Variants in SLC17A8 observed in about 807,000 individuals in gnomAD.
The protein encoded by SLC17A8 is vesicular glutamate transporter 3.
In SLC17A8, 31 loss-of-function variants were observed where a neutral mutation model predicts 58.0. The ratio of observed to expected loss-of-function variants is 0.53; its 90% CI spans 0.40 to 0.72. The LOEUF (loss-of-function observed/expected upper bound fraction) is 0.72. SLC17A8 is among the 30% of genes least tolerant of loss of function. The probability of loss-of-function intolerance (pLI) is 0.00; values close to 1 mark genes in which losing one functional copy is unlikely to be tolerated. For missense variants in SLC17A8, 655 were observed against 727.8 expected, an observed-to-expected ratio of 0.90 and a Z score of 1.15; for synonymous variants, 228 against 249.0, an observed-to-expected ratio of 0.92 and a Z score of 0.79.
chr12:100,368,600 G>A (rs1952537299), intron 1 of SLC17A8, among the ~76,000 whole-genome samples: 1 of 152,096 alleles, frequency 6.6e-6, no homozygotes, highest in African/African-American at 2.4e-5. Context: ...AGTACATTCA[G>A]GATCCATTCC....
rs546916434 is a variant in SLC17A8, at chr12:100,393,798, A to C, written c.588+315A>C. On this transcript the variant is annotated intron_variant, in intron 4 of 11. Coordinates refer to ENST00000323346, the MANE Select transcript of SLC17A8 (RefSeq NM_139319.3). ...AGTTCACATAGCAGAGGCTCATTCC[A>C]CTAAAACAATTTAAGTGGATTCATT... 5.3e-5 allele frequency among the ~76,000 whole-genome samples: 8 copies of C among 152,326 alleles called. No homozygotes were observed. The South Asian group carries it at 1.2e-3, about 24-fold the overall frequency.
rs1355857507 is a variant in SLC17A8, at chr12:100,420,169, G to A, written c.*10G>A. 4 of 1,599,082 alleles carry A rather than the reference G, an allele frequency of 2.5e-6. No homozygotes were observed. The highest frequency in any genetic ancestry group is 3.4e-6 in the Non-Finnish European group (4 of 1,169,382). On this transcript the variant is annotated 3_prime_UTR_variant, in exon 12 of 12. Transcript: ENST00000323346. The stretch of plus-strand genomic sequence containing the variant: ...CTCAACTATATCCTAATGTCTGAGA[G>A]GCACTTCTGTCTTCTCCTTACTTTA...
intron 1 of SLC17A8, among the ~76,000 whole-genome samples, chr12:100,370,612 T>TAAAAAAAA (rs61103377): frequency 3.1e-5 from 4 of 127,200 alleles, no homozygotes; most frequent in African/African-American, 8.3e-5. Context: ...ATCTAAATTC[T>TAAAAAAAA]AAAAAAAAAA....
chr12:100,363,206 C>T (rs148047202), intron 1 of SLC17A8, among the ~76,000 whole-genome samples: 89 of 152,232 alleles, frequency 5.8e-4, no homozygotes, highest in African/African-American at 2.0e-3. Flanking sequence ...CCTTGTGAAT[C>T]GGGATTTCTA....
chr12:100,398,913 C>T (rs146957826), intron 5 of SLC17A8, among the ~76,000 whole-genome samples: 1,809 of 152,236 alleles, frequency 0.012, 15 homozygotes, highest in Middle Eastern at 0.068. Context: ...TGCTTGCCGC[C>T]ATCCACGTAA....
At chr12:100,373,284 G>A (rs1371515781) in intron 1 of SLC17A8, among the ~76,000 whole-genome samples, 2 of 152,172 alleles carry the variant, frequency 1.3e-5, no homozygotes, top group African/African-American at 4.8e-5. Flanking sequence ...GATAATTAAA[G>A]TCCTCCAACT....
chr12:100,399,012 T>C (rs1054099108), intron 5 of SLC17A8, among the ~76,000 whole-genome samples: 4 of 152,194 alleles, frequency 2.6e-5, no homozygotes, highest in African/African-American at 9.7e-5. Context: ...CCTCTTTCTT[T>C]TGTAAATTGC....
intron 1 of SLC17A8, among the ~76,000 whole-genome samples, chr12:100,365,635 A>C (rs1380185536): frequency 6.6e-6 from 1 of 152,210 alleles, no homozygotes; most frequent in African/African-American, 2.4e-5. Flanking sequence ...AAAGCACAAT[A>C]ACTTTTCCTT....
intron 1 of SLC17A8, among the ~76,000 whole-genome samples, chr12:100,364,908 G>A (rs979987648): frequency 6.6e-6 from 1 of 152,206 alleles, no homozygotes; most frequent in South Asian, 2.1e-4. Context: ...CTGAAGTATA[G>A]CAGCAGTCCA....
chr12:100,389,772 A>G (rs980607190), intron 2 of SLC17A8, among the ~76,000 whole-genome samples: 2 of 150,746 alleles, frequency 1.3e-5, no homozygotes, highest in South Asian at 2.1e-4. Flanking sequence ...AGCTAGGACT[A>G]CAGGCACACA....
chr12:100,402,711 A>T lies in SLC17A8; in HGVS notation c.1019A>T (p.Tyr340Phe), dbSNP rs1399453148. Residue 340 changes from tyrosine (Y) to phenylalanine (F), a missense_variant, in exon 8 of 12, where the codon TAT becomes TTT. Transcript: ENST00000323346. The part of the protein sequence containing the change: ...FYLLLISQPA[Y>F]FEEVFGFAIS... ...TTGCTCCTCATAAGTCAGCCTGCTTATTTTGAAGAGGTCTTTGGATTTGCA... is the reference window on the plus strand; with the variant it reads ...TTGCTCCTCATAAGTCAGCCTGCTTTTTTTGAAGAGGTCTTTGGATTTGCA... 1 of 1,614,016 alleles carries T rather than the reference A, an allele frequency of 6.2e-7. No homozygotes were observed. The highest frequency in any genetic ancestry group is 8.5e-7 in the Non-Finnish European group (1 of 1,179,998).
At chr12:100,389,201 G>A (rs968256720) in intron 2 of SLC17A8, among the ~76,000 whole-genome samples, 1 of 152,202 alleles carries the variant, frequency 6.6e-6, no homozygotes, top group African/African-American at 2.4e-5. Context: ...GTGGAAGGTT[G>A]TGTTGTTGCT....
At chr12:100,402,121 C>T (rs1203651272) in intron 6 of SLC17A8, among the ~76,000 whole-genome samples, 1 of 152,118 alleles carries the variant, frequency 6.6e-6, no homozygotes, top group African/African-American at 2.4e-5. Context: ...GCTGAACATA[C>T]TGCCATTTGG....
intron 2 of SLC17A8, among the ~76,000 whole-genome samples, chr12:100,383,856 C>G (rs1374397173): frequency 6.6e-6 from 1 of 151,742 alleles, no homozygotes; most frequent in Non-Finnish European, 1.5e-5. Context: ...GCTCATGCCA[C>G]CATTCTTAGC....
At chr12:100,368,055 C>A (rs1952532552) in intron 1 of SLC17A8, among the ~76,000 whole-genome samples, 1 of 152,230 alleles carries the variant, frequency 6.6e-6, no homozygotes, top group Non-Finnish European at 1.5e-5. Context: ...GGATGTTAGA[C>A]CCTGTGTCAT....
At chr12:100,404,532 A>ACACACACACACACC (rs1346080784) in intron 9 of SLC17A8, among the ~76,000 whole-genome samples, 12 of 151,046 alleles carry the variant, frequency 7.9e-5, no homozygotes, top group Non-Finnish European at 1.8e-4. Context: ...ACACACACAC[A>ACACACACACACACC]CCATTCTCTT....
chr12:100,395,715 C>T lies in SLC17A8; in HGVS notation c.589-615C>T, dbSNP rs375005560. Among the ~76,000 whole-genome samples the T allele has an allele frequency of 6.6e-5, 10 of 152,106 alleles. No homozygotes were observed. The East Asian group carries it at 1.2e-3, about 18-fold the overall frequency. On this transcript the variant is annotated intron_variant, in intron 4 of 11. Transcript: ENST00000323346. ...GCAATCTCTGCCTCCTGGGTTCAGG[C>T]GATTCTTGTGCCTCAGCCTCCCAAG... is the stretch of plus-strand genomic sequence containing the variant.
At chr12:100,367,237 T>C (rs879723730) in intron 1 of SLC17A8, among the ~76,000 whole-genome samples, 2 of 152,222 alleles carry the variant, frequency 1.3e-5, no homozygotes, top group Non-Finnish European at 2.9e-5. Context: ...AAGAGAGACC[T>C]TTTAATTGAT....
chr12:100,405,443 A>G (rs1473124110), intron 9 of SLC17A8, among the ~76,000 whole-genome samples: 2 of 152,024 alleles, frequency 1.3e-5, no homozygotes, highest in East Asian at 3.9e-4. Flanking sequence ...TTTATCCTGC[A>G]TTATCTAGGT....
Sources: gnomAD v4.1 joint callset for allele counts (sites outside exome capture counted in the v4.1 genomes callset) on GRCh38, gnomAD v4.1.1 for gene constraint, MANE v1.5 for transcripts, NCBI Gene and HGNC (gene_info 2026-07-23, HGNC 2026-07-21) for gene names.